The following MYH15 variants were observed in gnomAD, a reference collection of about 807,000 sequenced individuals.
MYH15 encodes the protein myosin heavy chain 15, also known as myosin-15.
Under a neutral mutation model 240.5 loss-of-function variants are expected in MYH15, and 227 were observed. The ratio of observed to expected loss-of-function variants is 0.94; its 90% CI spans 0.85 to 1.05. MYH15 has a LOEUF of 1.05. Ranked by LOEUF, MYH15 falls within the 50% of genes least tolerant of loss-of-function variation. The pLI, the probability that MYH15 is intolerant of heterozygous loss-of-function variation, is 0.00. For missense variants in MYH15, 2,217 were observed against 2,247.5 expected (o/e 0.99, Z 0.27); for synonymous variants, 785 against 796.7 (o/e 0.99, Z 0.25).
At chr3:108,481,887 T>C (rs970773681) in intron 11 of MYH15, among the ~76,000 whole-genome samples, 4 of 152,154 alleles carry the variant, frequency 2.6e-5, no homozygotes, top group African/African-American at 9.7e-5. Context: ...GGGTTTTATT[T>C]GGAGCCATTG....
At chr3:108,466,737 G>A (rs973495205) in intron 14 of MYH15, among the ~76,000 whole-genome samples, 17 of 152,040 alleles carry the variant, frequency 1.1e-4, no homozygotes, top group African/African-American at 3.1e-4. Context: ...TAAAGCCCCC[G>A]CTTGTTCACT....
the MYH15 span, among the ~76,000 whole-genome samples, chr3:108,536,492 A>G: frequency 2.0e-5 from 3 of 152,264 alleles, no homozygotes. Flanking sequence ...CTTATTTCTC[A>G]CACTGTAAAG....
intron 2 of MYH15, 35 bp downstream of exon 2, chr3:108,505,688 T>C (rs534532482): frequency 5.8e-5 from 70 of 1,206,856 alleles, no homozygotes; most frequent in South Asian, 5.5e-4. Context: ...ATAGAGAACA[T>C]AGTCATCACT....
chr3:108,486,836 C>T (rs974297448), intron 9 of MYH15, among the ~76,000 whole-genome samples: 9 of 152,052 alleles, frequency 5.9e-5, no homozygotes, highest in African/African-American at 1.4e-4. Context: ...CAAAAAGACA[C>T]GTAATGTGTG....
At chr3:108,414,074 T>C (rs2082614882) in intron 30 of MYH15, among the ~76,000 whole-genome samples, 158 bp downstream of exon 30, 1 of 152,182 alleles carries the variant, frequency 6.6e-6, no homozygotes. Flanking sequence ...AGTGTGCTTC[T>C]TACCAGCAGT....
chr3:108,421,173 C>A lies in MYH15; in HGVS notation c.3744G>T (p.Leu1248Phe), dbSNP rs764759782. Residue 1248 changes from leucine to phenylalanine, a missense_variant, in exon 28 of 41, where the codon TTG (leucine) becomes TTT (phenylalanine). Leu to Phe is a conservative substitution (Grantham distance 22, BLOSUM62 0). Transcript: ENST00000693548. ...TATCTAGCTTTGCAGTTGCTTCATG[C>A]AAGCGCTCTTCATATAGAGTACAGA... Reference protein sequence around the residue: ...EKLCTLYEERLHEATAKLDKV... With the variant: ...EKLCTLYEERFHEATAKLDKV... 6 of 1,613,918 alleles carry A rather than the reference C, an allele frequency of 3.7e-6. No homozygotes were observed. The South Asian group carries it at 5.5e-5, about 15-fold the overall frequency.
chr3:108,532,589 T>C (rs551784472), upstream of MYH15, among the ~76,000 whole-genome samples: 38 of 152,324 alleles, frequency 2.5e-4, no homozygotes, highest in African/African-American at 9.1e-4. Flanking sequence ...TTCATAATCA[T>C]GTAAGCCAAT....
At position 108,421,157 on chromosome 3, in the gene MYH15, T is replaced by G. The variant is rs2082679626; in HGVS notation, c.3760A>C (p.Lys1254Gln). The G allele has an allele frequency of 7.4e-6, 12 of 1,613,982 alleles. No individual in the cohort carries two copies. The highest frequency in any genetic ancestry group is 1.3e-5 in the African/African-American group (1 of 74,934). ...YEERLHEATA[K>Q]LDKVTQLAND... ...GCCAACTGAGTCACCTTATCTAGCTTTGCAGTTGCTTCATGCAAGCGCTCT... is the reference window on the plus strand; with the variant it reads ...GCCAACTGAGTCACCTTATCTAGCTGTGCAGTTGCTTCATGCAAGCGCTCT... Residue 1254 changes from lysine to glutamine, a missense_variant, in exon 28 of 41, where the codon AAG becomes CAG. Physicochemically the swap from Lys to Gln is moderately conservative, Grantham distance 53. Transcript: ENST00000693548.
At chr3:108,398,153 C>T (rs1179132158) in intron 35 of MYH15, among the ~76,000 whole-genome samples, 2 of 152,114 alleles carry the variant, frequency 1.3e-5, no homozygotes, top group Non-Finnish European at 2.9e-5. Flanking sequence ...TCAAATATGA[C>T]TGGTACCCCT....
At chr3:108,406,819 C>T (rs576724773) in intron 32 of MYH15, among the ~76,000 whole-genome samples, 4 of 152,196 alleles carry the variant, frequency 2.6e-5, no homozygotes, top group Admixed American at 6.5e-5. Context: ...TCATTCTCAC[C>T]CTTGACCCAC....
Position 108,463,114 on chromosome 3 carries a change from T to A in MYH15, c.1861A>T (p.Ser621Cys). 1 of 1,607,062 alleles carries A rather than the reference T, an allele frequency of 6.2e-7. No individual in the cohort carries two copies. Among genetic ancestry groups the A allele is most frequent in the Middle Eastern group, 1.7e-4 (1 of 6,010 alleles). ...CAAGGAAGATTGTATGACTCACCAC[T>A]GTCAGTACTCATGTAATTTTCAAAA... ...SLFENYMSTD[S>C]AIPFGEKKRK... Residue 621 changes from serine (S) to cysteine (C), a missense_variant, in exon 16 of 41, where the codon AGT becomes TGT. Transcript: ENST00000693548.
chr3:108,422,852 G>A (rs544400644), intron 27 of MYH15, among the ~76,000 whole-genome samples: 1 of 152,194 alleles, frequency 6.6e-6, no homozygotes, highest in Non-Finnish European at 1.5e-5. Flanking sequence ...TATTTCAAAG[G>A]TGATGCCAGG....
intron 38 of MYH15, among the ~76,000 whole-genome samples, chr3:108,386,755 C>T (rs534006369): frequency 1.4e-4 from 22 of 152,086 alleles, no homozygotes; most frequent in African/African-American, 5.3e-4. Flanking sequence ...TCCTAGAGAA[C>T]CCTCTCAACA....
chr3:108,452,527 A>G (rs1576242097), intron 21 of MYH15, among the ~76,000 whole-genome samples: 1 of 152,200 alleles, frequency 6.6e-6, no homozygotes, highest in Non-Finnish European at 1.5e-5. Context: ...TAACATTGAT[A>G]TATTTCAAAG....
rs1313302095 is a variant in MYH15, at chr3:108,430,699, C to G, written c.3312+133G>C. ...GAATGCCACAGTTTCCCTTCTTAAC[C>G]ACTGTTCTTTTCTGCCTCTGCCTGT... On this transcript the variant is annotated intron_variant, in intron 26 of 40. Coordinates refer to ENST00000693548, the MANE Select transcript of MYH15 (RefSeq NM_014981.3). 5 of 577,186 alleles carry G rather than the reference C, an allele frequency of 8.7e-6. No homozygotes were observed. The African/African-American group carries it at 9.4e-5, about 11-fold the overall frequency. 35.8% of individuals were successfully genotyped at this position (577,186 alleles called of 1,614,324 possible). A position where few individuals can be genotyped will look rare whatever the true frequency, so the allele number is the denominator to read the frequency against.
At chr3:108,483,079 C>T (rs1456634262) in intron 11 of MYH15, among the ~76,000 whole-genome samples, 1 of 151,602 alleles carries the variant, frequency 6.6e-6, no homozygotes, top group East Asian at 1.9e-4. Context: ...GTAATCCCAG[C>T]TTCCCAGCTA....
At chr3:108,450,078 A>G (rs944768896) in intron 21 of MYH15, among the ~76,000 whole-genome samples, 7 of 152,094 alleles carry the variant, frequency 4.6e-5, no homozygotes, top group Non-Finnish European at 8.8e-5. Flanking sequence ...AAGTATGTGG[A>G]AAAAGGGAAC....
chr3:108,431,509 T>C (rs2082779277), intron 25 of MYH15, among the ~76,000 whole-genome samples: 1 of 152,236 alleles, frequency 6.6e-6, no homozygotes, highest in African/African-American at 2.4e-5. Context: ...TGCTCCTCCT[T>C]GCCTTCCACC....
chr3:108,521,437 T>C (rs1053451585), intron 1 of MYH15, among the ~76,000 whole-genome samples: 1 of 151,896 alleles, frequency 6.6e-6, no homozygotes, highest in Non-Finnish European at 1.5e-5. Context: ...TAGGAAATAG[T>C]TCATGCGATC....
Sources: gnomAD v4.1 joint callset for allele counts (sites outside exome capture counted in the v4.1 genomes callset) on GRCh38, gnomAD v4.1.1 for gene constraint, MANE v1.5 for transcripts, NCBI Gene and HGNC (gene_info 2026-07-23, HGNC 2026-07-21) for gene names.